Variants in SPOCK1 observed in about 807,000 individuals in gnomAD.
The protein encoded by SPOCK1 is SPARC (osteonectin), cwcv and kazal like domains proteoglycan 1.
Under a neutral mutation model 55.3 loss-of-function variants are expected in SPOCK1, and 23 were observed. The ratio of observed to expected loss-of-function variants is 0.42; its 90% CI spans 0.30 to 0.59. The LOEUF (loss-of-function observed/expected upper bound fraction) is 0.59. SPOCK1 is among the 20% of genes least tolerant of loss of function. SPOCK1 has a pLI of 0.22. For missense variants in SPOCK1, 499 were observed against 552.5 expected (o/e 0.90, Z 0.97); for synonymous variants, 226 against 221.0 (o/e 1.02, Z -0.20).
intron 3 of SPOCK1, among the ~76,000 whole-genome samples, chr5:137,172,399 GA>G (rs1754769788): frequency 6.6e-6 from 1 of 152,140 alleles, no homozygotes. Flanking sequence ...GTGAGCGAAA[GA>G]GTCACAATGT....
chr5:137,266,344 A>G (rs1756851624), intron 3 of SPOCK1, among the ~76,000 whole-genome samples: 1 of 152,216 alleles, frequency 6.6e-6, no homozygotes, highest in South Asian at 2.1e-4. Context: ...ACATGGAACA[A>G]CGGGGGAAGG....
intron 2 of SPOCK1, among the ~76,000 whole-genome samples, chr5:137,308,601 T>A (rs1757741026): frequency 1.3e-5 from 2 of 152,226 alleles, no homozygotes; most frequent in South Asian, 4.1e-4. Context: ...TCTGGTATCA[T>A]CACTGCCTCC....
At chr5:137,124,419 GC>G (rs1396811953) in intron 4 of SPOCK1, among the ~76,000 whole-genome samples, 2 of 152,156 alleles carry the variant, frequency 1.3e-5, no homozygotes, top group East Asian at 3.9e-4. Context: ...GCCTCAGGCA[GC>G]CCTGTTGCCT....
chr5:136,997,281 A>C (rs1372093020), intron 6 of SPOCK1, among the ~76,000 whole-genome samples: 1 of 152,122 alleles, frequency 6.6e-6, no homozygotes, highest in African/African-American at 2.4e-5. Context: ...CCTGGTTCAC[A>C]GTGAAAAAGT....
intron 6 of SPOCK1, among the ~76,000 whole-genome samples, chr5:137,039,330 C>T (rs557183404): frequency 4.3e-5 from 6 of 140,528 alleles, no homozygotes; most frequent in South Asian, 4.6e-4. Flanking sequence ...TGCCTATACC[C>T]GGAGCCCTAG....
intron 2 of SPOCK1, among the ~76,000 whole-genome samples, chr5:137,397,275 C>T (rs929542774): frequency 5.9e-5 from 9 of 152,188 alleles, no homozygotes; most frequent in Admixed American, 1.3e-4. Context: ...AGTGGAGCCA[C>T]GCACACTCCT....
At chr5:137,445,304 G>T (rs963151908) in intron 2 of SPOCK1, among the ~76,000 whole-genome samples, 10 of 152,126 alleles carry the variant, frequency 6.6e-5, no homozygotes, top group Non-Finnish European at 1.5e-4. Flanking sequence ...AATTCTAACT[G>T]GTTACAAAAT....
chr5:137,472,801 C>T (rs1189991023), intron 2 of SPOCK1, among the ~76,000 whole-genome samples: 1 of 152,036 alleles, frequency 6.6e-6, no homozygotes, highest in Non-Finnish European at 1.5e-5. Context: ...GAATTAGAAC[C>T]CAATAGAAAA....
intron 2 of SPOCK1, among the ~76,000 whole-genome samples, chr5:137,288,570 C>G (rs1680928288): frequency 6.6e-6 from 1 of 152,194 alleles, no homozygotes; most frequent in Admixed American, 6.5e-5. Flanking sequence ...GGTCCAGAAG[C>G]AGCCAGAGAA....
intron 2 of SPOCK1, among the ~76,000 whole-genome samples, chr5:137,341,851 T>C (rs1176977578): frequency 6.6e-6 from 1 of 152,248 alleles, no homozygotes; most frequent in Non-Finnish European, 1.5e-5. Context: ...TCTAAAAACT[T>C]GTTCCTTCTA....
intron 5 of SPOCK1, among the ~76,000 whole-genome samples, chr5:137,094,103 TG>T (rs1753098821): frequency 6.6e-6 from 1 of 152,158 alleles, no homozygotes; most frequent in Non-Finnish European, 1.5e-5. Context: ...AAGGATTGGT[TG>T]AACAAAATGA....
chr5:137,353,785 G>A (rs1580881518), intron 2 of SPOCK1, among the ~76,000 whole-genome samples: 1 of 152,222 alleles, frequency 6.6e-6, no homozygotes, highest in East Asian at 1.9e-4. Context: ...TTCAGCAGGG[G>A]CAAGCCGAGG....
chr5:137,240,480 T>A (rs1756260661), intron 3 of SPOCK1, among the ~76,000 whole-genome samples: 1 of 152,176 alleles, frequency 6.6e-6, no homozygotes, highest in Non-Finnish European at 1.5e-5. Flanking sequence ...ATCAAGGGGA[T>A]GGGCTAAGCC....
chr5:137,397,325 G>A (rs765289493), intron 2 of SPOCK1, among the ~76,000 whole-genome samples: 4 of 152,222 alleles, frequency 2.6e-5, no homozygotes, highest in Non-Finnish European at 4.4e-5. Context: ...GATGCCAGTG[G>A]TGATGGACCG....
At chr5:137,381,050 C>T (rs1379286836) in intron 2 of SPOCK1, among the ~76,000 whole-genome samples, 2 of 152,090 alleles carry the variant, frequency 1.3e-5, no homozygotes, top group East Asian at 1.9e-4. Context: ...TGGGTAAATG[C>T]TCCCATTCCA....
chr5:137,067,905 G>T, intron 5 of SPOCK1, 76 bp from the exon 6 acceptor site: 1 of 1,234,370 alleles, frequency 8.1e-7, no homozygotes, highest in Non-Finnish European at 1.2e-6. Context: ...AGAAACAGCA[G>T]TGCCCTTTGC....
At chr5:137,251,100 G>A (rs1756516674) in intron 3 of SPOCK1, among the ~76,000 whole-genome samples, 1 of 152,178 alleles carries the variant, frequency 6.6e-6, no homozygotes, top group African/African-American at 2.4e-5. Flanking sequence ...CTCTAATGCA[G>A]CAGGGTCTGA....
intron 2 of SPOCK1, among the ~76,000 whole-genome samples, chr5:137,269,366 A>C (rs1251811219): frequency 2.0e-5 from 3 of 152,212 alleles, no homozygotes; most frequent in African/African-American, 4.8e-5. Context: ...AAAACCAATG[A>C]GCCAGAGCTG....
chr5:137,087,676 GGCCCTGGAGA>G (rs899013267), intron 5 of SPOCK1, among the ~76,000 whole-genome samples: 15 of 152,186 alleles, frequency 9.9e-5, no homozygotes, highest in African/African-American at 2.7e-4. Flanking sequence ...CCCAGGGCAG[GGCCCTGGAGA>G]GCACCAGGAC....
Sources: gnomAD v4.1 joint callset for allele counts (sites outside exome capture counted in the v4.1 genomes callset) on GRCh38, gnomAD v4.1.1 for gene constraint, MANE v1.5 for transcripts, NCBI Gene and HGNC (gene_info 2026-07-23, HGNC 2026-07-21) for gene names.